BSDC1: variants seen among roughly 807,000 people sequenced by gnomAD.
The protein encoded by BSDC1 is BSD domain containing 1.
A neutral mutation model predicts 56.0 loss-of-function variants in BSDC1; 29 were observed. The ratio of observed to expected loss-of-function variants is 0.52; its 90% CI spans 0.39 to 0.71. The LOEUF is 0.71. Ranked by LOEUF, BSDC1 falls within the 30% of genes least tolerant of loss-of-function variation. The pLI, the probability that BSDC1 is intolerant of heterozygous loss-of-function variation, is 0.00. For missense variants in BSDC1, 477 were observed against 548.5 expected (o/e 0.87, Z 1.30); for synonymous variants, 210 against 215.3 (o/e 0.98, Z 0.21).
chr1:32,391,159 C>T (rs921750910), intron 2 of BSDC1, among the ~76,000 whole-genome samples: 1 of 152,012 alleles, frequency 6.6e-6, no homozygotes, highest in South Asian at 2.1e-4. Context: ...AAGAGAGTAG[C>T]GTTTCAAGAG....
At chr1:32,371,088 G>A in intron 9 of BSDC1, among the ~76,000 whole-genome samples, 1 of 151,922 alleles carries the variant, frequency 6.6e-6, no homozygotes, top group East Asian at 1.9e-4. Context: ...ATATATAAAA[G>A]TTATTACTAA....
intron 10 of BSDC1, chr1:32,367,507 C>T (rs564449558): frequency 2.0e-6 from 2 of 985,406 alleles, no homozygotes; most frequent in South Asian, 4.7e-5. Context: ...CTAATCTGTC[C>T]ACCTCTTTCT....
intron 9 of BSDC1, among the ~76,000 whole-genome samples, chr1:32,369,898 T>C (rs1455697492): frequency 6.6e-6 from 1 of 152,198 alleles, no homozygotes; most frequent in Admixed American, 6.5e-5. Flanking sequence ...GTTCAAGAGA[T>C]TCTCTTGCCT....
At chr1:32,369,662 G>A (rs555333702) in intron 9 of BSDC1, among the ~76,000 whole-genome samples, 3 of 152,286 alleles carry the variant, frequency 2.0e-5, no homozygotes, top group East Asian at 1.9e-4. Context: ...CCTGGAACTC[G>A]TATCCTCAGA....
At chr1:32,381,108 C>T in intron 5 of BSDC1, 106 bp downstream of exon 5, 2 of 1,064,868 alleles carry the variant, frequency 1.9e-6, no homozygotes, top group East Asian at 2.5e-5. Flanking sequence ...GGTCTCCCTA[C>T]ATAGGGGGTG....
intron 2 of BSDC1, among the ~76,000 whole-genome samples, chr1:32,390,429 A>C (rs1642825509): frequency 2.0e-5 from 3 of 152,228 alleles, no homozygotes. Context: ...GAGGGCTAGA[A>C]AAGAATCATG....
chr1:32,376,345 C>G lies in BSDC1; in HGVS notation c.1073G>C (p.Arg358Thr), dbSNP rs1439909270. ...CCGTAAGTCTGTGGGCGCCTCCTCCCTCAGAGTCTCTACTCTGGCTGGAGG... is the reference window on the plus strand; with the variant it reads ...CCGTAAGTCTGTGGGCGCCTCCTCCGTCAGAGTCTCTACTCTGGCTGGAGG... ...PRPPARVETL[R>T]EEAPTDLRVF... Residue 358 changes from arginine (R) to threonine (T), a missense_variant, in exon 9 of 11, where the codon AGG becomes ACG. Transcript: ENST00000455895. The G allele has an allele frequency of 6.2e-7, 1 of 1,611,318 alleles. No homozygotes were observed. Among genetic ancestry groups the G allele is most frequent in the Non-Finnish European group, 8.5e-7 (1 of 1,178,078 alleles).
chr1:32,388,142 A>G (rs1419940362), intron 2 of BSDC1, among the ~76,000 whole-genome samples: 1 of 152,040 alleles, frequency 6.6e-6, no homozygotes, highest in African/African-American at 2.4e-5. Context: ...AAGCCCTTTC[A>G]TCTTACACGG....
Position 32,376,639 on chromosome 1 carries a change from C to T in BSDC1, c.779G>A (p.Cys260Tyr). Residue 260 changes from cysteine to tyrosine, a missense_variant, in exon 9 of 11, where the codon TGT (cysteine) becomes TAT (tyrosine). Coordinates refer to ENST00000455895, the MANE Select transcript of BSDC1 (RefSeq NM_018045.8). ...AACTGAAGTCACCAGATTCTCTTCA[C>T]AGGGGCTCTGGGGGCCAGGTTCTCC... ...PEGEPGPQSP[C>Y]EENLVTSVEP... is the part of the protein sequence containing the mutation. 9 of 1,434,916 alleles carry T rather than the reference C, an allele frequency of 6.3e-6. No homozygotes were observed. The highest frequency in any genetic ancestry group is 7.4e-6 in the Non-Finnish European group (8 of 1,082,044). 88.9% of individuals were successfully genotyped at this position (1,434,916 alleles called of 1,614,324 possible).
chr1:32,385,306 C>T (rs956907416), intron 3 of BSDC1, among the ~76,000 whole-genome samples: 2 of 152,084 alleles, frequency 1.3e-5, no homozygotes, highest in African/African-American at 4.8e-5. Flanking sequence ...GGGAGGGGGA[C>T]AAGGATTGAA....
chr1:32,384,134 T>A, intron 3 of BSDC1, 137 bp from the exon 4 acceptor site: 1 of 1,253,502 alleles, frequency 8.0e-7, no homozygotes, highest in African/African-American at 1.5e-5. Flanking sequence ...CACCCGTCTC[T>A]GGGGCTGCAG....
At position 32,383,853 on chromosome 1, in the gene BSDC1, C is replaced by G; in HGVS notation, c.334G>C (p.Ala112Pro). Residue 112 changes from alanine to proline, a missense_variant, in exon 4 of 11, where the codon GCT (alanine) becomes CCT (proline). By Grantham distance (27) the Ala-to-Pro change is conservative (BLOSUM62 -1). Coordinates refer to ENST00000455895, the MANE Select transcript of BSDC1 (RefSeq NM_018045.8). ...ITLMGTPSGT[A>P]EPYDGTKARL... ...ACCTTGGTGCCATCATAGGGCTCAG[C>G]TGTGCCAGACGGTGTGCCCATCAGG... is the stretch of plus-strand genomic sequence containing the variant. 1 of 1,612,250 alleles carries G rather than the reference C, an allele frequency of 6.2e-7. No individual in the cohort carries two copies. The highest frequency in any genetic ancestry group is 1.1e-5 in the South Asian group (1 of 90,996).
At chr1:32,369,171 G>A in intron 9 of BSDC1, 2 of 892,616 alleles carry the variant, frequency 2.2e-6, no homozygotes, top group Admixed American at 2.5e-5. Context: ...ACTGTAGGCT[G>A]TTAGAGGTTA....
chr1:32,370,024 C>T (rs1042769077), intron 9 of BSDC1, among the ~76,000 whole-genome samples: 3 of 152,258 alleles, frequency 2.0e-5, no homozygotes, highest in African/African-American at 7.2e-5. Flanking sequence ...GTTGCCCAGG[C>T]TGGAGTGCAG....
chr1:32,368,938 A>T (rs555469293), intron 9 of BSDC1, among the ~76,000 whole-genome samples: 11 of 152,206 alleles, frequency 7.2e-5, no homozygotes, highest in Non-Finnish European at 1.5e-4. Context: ...GACCTCAATG[A>T]TCTGGCCACC....
chr1:32,391,753 G>C (rs985043149), intron 2 of BSDC1, among the ~76,000 whole-genome samples: 1 of 152,142 alleles, frequency 6.6e-6, no homozygotes, highest in African/African-American at 2.4e-5. Context: ...GCTGAGAAGT[G>C]AGTGGTCCAG....
intron 2 of BSDC1, among the ~76,000 whole-genome samples, chr1:32,388,072 G>C (rs1642733394): frequency 6.6e-6 from 1 of 152,164 alleles, no homozygotes; most frequent in South Asian, 2.1e-4. Context: ...GCCCTGTCTT[G>C]CTTCAGACTC....
chr1:32,383,118 G>C (rs1424878515), intron 4 of BSDC1, among the ~76,000 whole-genome samples: 4 of 151,962 alleles, frequency 2.6e-5, no homozygotes, highest in Non-Finnish European at 5.9e-5. Flanking sequence ...AATAAATAAT[G>C]CTATATTCAC....
intron 3 of BSDC1, chr1:32,386,296 G>A (rs1451295686): frequency 6.8e-6 from 1 of 147,120 alleles, no homozygotes; most frequent in Non-Finnish European, 1.5e-5. Flanking sequence ...TCCAGCCTGG[G>A]CGACAGATGG....
Sources: allele counts gnomAD v4.1 joint callset (sites outside exome capture counted in the v4.1 genomes callset), GRCh38; gene constraint gnomAD v4.1.1; transcripts MANE v1.5; gene names NCBI Gene and HGNC (gene_info 2026-07-23, HGNC 2026-07-21).